Variants in EFCAB6 observed in about 807,000 individuals in gnomAD.
EFCAB6 encodes EF-hand calcium-binding domain-containing protein 6.
A neutral mutation model predicts 169.8 loss-of-function variants in EFCAB6; 156 were observed. The observed-to-expected ratio is 0.92, with a 90% CI of 0.81 to 1.05. The LOEUF is 1.05. EFCAB6 is among the 50% of genes least tolerant of loss of function. The pLI is 0.00. For missense variants in EFCAB6, 1,800 were observed against 1,829.1 expected, an observed-to-expected ratio of 0.98 and a Z score of 0.29; for synonymous variants, 698 against 676.4, an observed-to-expected ratio of 1.03 and a Z score of -0.50.
intron 20 of EFCAB6, 132 bp from the exon 21 acceptor site, chr22:43,616,054 CTTAA>C: frequency 1.6e-6 from 1 of 643,370 alleles, no homozygotes; most frequent in East Asian, 2.9e-5. Context: ...TCTGGTTTAA[CTTAA>C]TTCTTAAAAT....
chr22:43,646,415 C>A (rs183127348), intron 17 of EFCAB6, among the ~76,000 whole-genome samples: 1 of 152,218 alleles, frequency 6.6e-6, no homozygotes, highest in Non-Finnish European at 1.5e-5. Flanking sequence ...AACATATAAA[C>A]CTGGCCTGAG....
Position 43,588,508 on chromosome 22 carries a change from A to G in EFCAB6, c.3032+1566T>C, listed in dbSNP as rs902394503. On this transcript the variant is annotated intron_variant, in intron 24 of 31. Coordinates refer to ENST00000262726, the MANE Select transcript of EFCAB6 (RefSeq NM_022785.4). ...AAATCTCAAAGAAGGACTGGGAGCT[A>G]AAACTGAGGAAATCTCCCAGAAGGT... Among the ~76,000 whole-genome samples, 3 of 152,336 alleles carry G rather than the reference A, an allele frequency of 2.0e-5. No individual in the cohort carries two copies. In the East Asian group the frequency reaches 5.8e-4, roughly 29 times the overall value.
intron 27 of EFCAB6, among the ~76,000 whole-genome samples, chr22:43,548,245 T>A (rs1327273096): frequency 1.3e-5 from 2 of 151,922 alleles, no homozygotes; most frequent in South Asian, 2.1e-4. Context: ...ACTGTATTTT[T>A]AAAAAAATCC....
intron 17 of EFCAB6, among the ~76,000 whole-genome samples, chr22:43,659,982 G>A (rs6006519): frequency 0.031 from 4,747 of 152,250 alleles, 227 homozygotes; most frequent in African/African-American, 0.11. Flanking sequence ...TGTCTCAGGG[G>A]CCCTGAGCAA....
intron 9 of EFCAB6, among the ~76,000 whole-genome samples, chr22:43,714,388 G>A (rs2059260187): frequency 6.6e-6 from 1 of 152,160 alleles, no homozygotes; most frequent in South Asian, 2.1e-4. Context: ...CTATGACACA[G>A]TATCCATTGC....
chr22:43,736,030 T>C, intron 6 of EFCAB6, 37 bp from the exon 7 acceptor site: 3 of 1,575,202 alleles, frequency 1.9e-6, no homozygotes, highest in Non-Finnish European at 2.6e-6. Flanking sequence ...AGTCAAAAGA[T>C]CTAGTGTTAG....
At chr22:43,775,557 C>T (rs1320013387) in intron 3 of EFCAB6, among the ~76,000 whole-genome samples, 2 of 152,200 alleles carry the variant, frequency 1.3e-5, no homozygotes, top group African/African-American at 2.4e-5. Flanking sequence ...ATTCTCCTGC[C>T]TCAGCCTCCC....
At chr22:43,789,701 T>C (rs574099049) in intron 2 of EFCAB6, among the ~76,000 whole-genome samples, 1 of 152,316 alleles carries the variant, frequency 6.6e-6, no homozygotes, top group East Asian at 1.9e-4. Context: ...TTTGGCTTAT[T>C]AGTGTTTCAG....
intron 24 of EFCAB6, among the ~76,000 whole-genome samples, chr22:43,586,606 G>T (rs2051092177): frequency 6.6e-6 from 1 of 152,092 alleles, no homozygotes; most frequent in Admixed American, 6.5e-5. Context: ...CAGGGTAAAA[G>T]TGTATGAGAA....
At chr22:43,564,862 A>G (rs1450366047) in intron 26 of EFCAB6, among the ~76,000 whole-genome samples, 1 of 152,182 alleles carries the variant, frequency 6.6e-6, no homozygotes, top group East Asian at 1.9e-4. Context: ...ATGATCGGGA[A>G]GACAGAACTT....
intron 17 of EFCAB6, among the ~76,000 whole-genome samples, chr22:43,640,769 A>C (rs2055743171): frequency 6.6e-6 from 1 of 152,160 alleles, no homozygotes; most frequent in Admixed American, 6.5e-5. Flanking sequence ...TTGGTTATTT[A>C]ATAAATTACT....
chr22:43,572,895 T>A lies in EFCAB6; in HGVS notation c.3420+3402A>T, dbSNP rs948841420. ...GTACACATGGGCCATAGGAAACACG[T>A]GTCATGAGAGAGTGAATGAACCCAC... is the stretch of plus-strand genomic sequence containing the variant. On this transcript the variant is annotated intron_variant, in intron 26 of 31. Transcript: ENST00000262726. This position sits in a 1 kb window ranked among gnomAD's most constrained non-coding sequence, Gnocchi z 4.0. 1.3e-5 allele frequency among the ~76,000 whole-genome samples: 2 copies of A among 152,136 alleles called. No homozygotes were observed. The highest frequency in any genetic ancestry group is 2.9e-5 in the Non-Finnish European group (2 of 68,024).
intron 15 of EFCAB6, 94 bp downstream of exon 15, chr22:43,671,879 T>C: frequency 1.4e-6 from 2 of 1,433,182 alleles, no homozygotes; most frequent in African/African-American, 1.4e-5. Context: ...ATACTACCTA[T>C]TAATATTTCA....
chr22:43,702,987 G>T (rs1022764345), intron 10 of EFCAB6, among the ~76,000 whole-genome samples: 6 of 152,164 alleles, frequency 3.9e-5, no homozygotes, highest in East Asian at 3.9e-4. Flanking sequence ...CCCACCCCAA[G>T]GACCCACATA....
chr22:43,576,371 T>C lies in EFCAB6; in HGVS notation c.3346A>G (p.Lys1116Glu), dbSNP rs542643235. 6.3e-7 allele frequency: 1 copy of C among 1,599,754 alleles called. No homozygotes were observed. The highest frequency in any genetic ancestry group is 1.4e-5 in the African/African-American group (1 of 74,066). Residue 1116 changes from lysine (K) to glutamate (E), a missense_variant, in exon 26 of 32, where the codon AAA becomes GAA. Lys to Glu is a moderately conservative substitution (Grantham distance 56). Coordinates refer to ENST00000262726, the MANE Select transcript of EFCAB6 (RefSeq NM_022785.4). ...TAGGGGGTTAGATGAATTCTTAGTT[T>C]CCTCAAAAAATAATGATACTGATTG... ...TDNQYHYFLR[K>E]LRIHLTPYIN...
At chr22:43,654,484 A>T (rs73887375) in intron 17 of EFCAB6, among the ~76,000 whole-genome samples, 18,110 of 152,266 alleles carry the variant, frequency 0.12, 1,130 homozygotes, top group South Asian at 0.17. Flanking sequence ...CCTTGACAAG[A>T]TGTGATGAGA....
At chr22:43,529,780 A>G (rs79853892) in intron 31 of EFCAB6, among the ~76,000 whole-genome samples, 3,538 of 152,238 alleles carry the variant, frequency 0.023, 138 homozygotes, top group African/African-American at 0.082. Flanking sequence ...CAGCCACCAC[A>G]CCAGCTCTGA....
At chr22:43,543,003 C>A (rs11703268) in intron 27 of EFCAB6, among the ~76,000 whole-genome samples, 1 of 151,958 alleles carries the variant, frequency 6.6e-6, no homozygotes, top group Non-Finnish European at 1.5e-5. Context: ...CATGGGTTCC[C>A]ACTCTGCTTA....
chr22:43,774,373 A>G (rs976479075), intron 3 of EFCAB6, among the ~76,000 whole-genome samples: 3 of 150,986 alleles, frequency 2.0e-5, no homozygotes, highest in African/African-American at 7.3e-5. Context: ...CCCCACAGTG[A>G]CGCTGCCATG....
Sources: gnomAD v4.1 joint callset for allele counts (sites outside exome capture counted in the v4.1 genomes callset) on GRCh38, gnomAD v4.1.1 for gene constraint, Gnocchi (gnomAD v3.1) non-coding constraint, MANE v1.5 for transcripts, NCBI Gene and HGNC (gene_info 2026-07-23, HGNC 2026-07-21) for gene names.